The following ARL14EPL variants were observed in gnomAD, a reference collection of about 807,000 sequenced individuals.
ARL14EPL encodes the protein ARF like GTPase 14 effector protein like, also known as ARL14 effector protein-like.
Under a neutral mutation model 15.9 loss-of-function variants are expected in ARL14EPL, and 17 were observed. The ratio of observed to expected loss-of-function variants is 1.07; its 90% CI spans 0.73 to 1.60. The LOEUF (loss-of-function observed/expected upper bound fraction) is 1.60, where lower values mean the gene tolerates loss of function less well. Among genes scored for constraint, ARL14EPL ranks in the 40% most tolerant of loss-of-function variants. ARL14EPL has a pLI of 0.00. For missense variants in ARL14EPL, 214 were observed against 185.9 expected (o/e 1.15, Z -0.88); for synonymous variants, 78 against 63.8 (o/e 1.22, Z -1.06).
rs1749143678 is a variant in ARL14EPL, at chr5:116,040,977, C to CA, written c.-10+8472_-10+8473insA. On this transcript the variant is annotated intron_variant, in intron 1 of 3. Transcript: ENST00000686077. ...CCTGGGAGACAGAACGAGATTCCCT[C>CA]TCAAAAAAAAAAAAAAGTTTTTATG... is the stretch of plus-strand genomic sequence containing the variant. Among the ~76,000 whole-genome samples, 5 of 8,188 alleles carry CA rather than the reference C, an allele frequency of 6.1e-4. No homozygotes were observed. The South Asian group carries it at 9.1e-3, about 15-fold the overall frequency. 5.4% of individuals were successfully genotyped at this position (8,188 alleles called of 152,430 possible). A position where few individuals can be genotyped will look rare whatever the true frequency, so the allele number is the denominator to read the frequency against.
At chr5:116,033,247 A>T (rs55670668) in intron 1 of ARL14EPL, among the ~76,000 whole-genome samples, 3,575 of 152,310 alleles carry the variant, frequency 0.023, 124 homozygotes, top group African/African-American at 0.076. Context: ...GTGGTGCAAA[A>T]GTGATACAAA....
Position 116,058,870 on chromosome 5 carries a change from C to G in ARL14EPL, c.382C>G (p.Arg128Gly), listed in dbSNP as rs531624727. ...GTGTGGGCCCGAGTGCCGCTGCAACCGACGGTGGGTTTACGATGCCATCGT... is the reference window on the plus strand; with the variant it reads ...GTGTGGGCCCGAGTGCCGCTGCAACGGACGGTGGGTTTACGATGCCATCGT... The part of the protein sequence containing the change: ...NKCGPECRCN[R>G]RWVYDAIVTE... Residue 128 changes from arginine to glycine, a missense_variant, in exon 4 of 4, where the codon CGA (arginine) becomes GGA (glycine). By Grantham distance (125) the Arg-to-Gly change is moderately radical. Transcript: ENST00000686077. 2.6e-6 allele frequency: 4 copies of G among 1,536,072 alleles called. No homozygotes were observed. The Admixed American group carries it at 7.8e-5, about 30-fold the overall frequency.
At chr5:116,051,085 A>G (rs1009759883) in intron 1 of ARL14EPL, 7 of 156,072 alleles carry the variant, frequency 4.5e-5, no homozygotes, top group South Asian at 2.0e-4. Flanking sequence ...TTTTCACAAC[A>G]TTACTGTGTA....
At chr5:116,057,451 C>T (rs1352828222) in intron 3 of ARL14EPL, among the ~76,000 whole-genome samples, 1 of 149,594 alleles carries the variant, frequency 6.7e-6, no homozygotes, top group Non-Finnish European at 1.5e-5. Flanking sequence ...GGGCCGGAAA[C>T]CATAAAACCT....
At chr5:116,058,508 T>C (rs1323017757) in intron 3 of ARL14EPL, among the ~76,000 whole-genome samples, 1 of 152,206 alleles carries the variant, frequency 6.6e-6, no homozygotes, top group Non-Finnish European at 1.5e-5. Context: ...TGATCTCATA[T>C]TGACTGAATT....
At chr5:116,052,951 A>G (rs551112248) in intron 2 of ARL14EPL, among the ~76,000 whole-genome samples, 34 of 152,292 alleles carry the variant, frequency 2.2e-4, no homozygotes, top group African/African-American at 7.7e-4. Flanking sequence ...CATGTGCTAC[A>G]TGTTCACAAT....
intron 1 of ARL14EPL, among the ~76,000 whole-genome samples, chr5:116,034,496 T>C (rs1749013205): frequency 6.6e-6 from 1 of 152,192 alleles, no homozygotes; most frequent in Non-Finnish European, 1.5e-5. Context: ...ATTTATTTCT[T>C]CACAAGGTTG....
intron 1 of ARL14EPL, among the ~76,000 whole-genome samples, chr5:116,033,449 A>G (rs930517309): frequency 6.6e-6 from 1 of 152,178 alleles, no homozygotes; most frequent in Non-Finnish European, 1.5e-5. Context: ...CTAAGCTATG[A>G]TGTTTGGTGC....
chr5:116,052,221 C>A, intron 2 of ARL14EPL: 1 of 1,606,366 alleles, frequency 6.2e-7, no homozygotes, highest in Non-Finnish European at 8.5e-7. Flanking sequence ...GATTTGTTCA[C>A]TGGGTCTTTG....
At chr5:116,048,205 G>C (rs888892057) in intron 1 of ARL14EPL, among the ~76,000 whole-genome samples, 3 of 152,196 alleles carry the variant, frequency 2.0e-5, no homozygotes, top group African/African-American at 7.2e-5. Flanking sequence ...CTGACACAAT[G>C]TCAGGACAAA....
chr5:116,042,259 T>G (rs893462212), intron 1 of ARL14EPL, among the ~76,000 whole-genome samples: 5 of 152,246 alleles, frequency 3.3e-5, no homozygotes, highest in Non-Finnish European at 7.3e-5. Flanking sequence ...ATTACATATC[T>G]TCTTCTTTTA....
At chr5:116,049,719 A>G (rs10060276) in intron 1 of ARL14EPL, among the ~76,000 whole-genome samples, 20,326 of 152,168 alleles carry the variant, frequency 0.13, 3,415 homozygotes, top group African/African-American at 0.4. Context: ...AAGGACCATA[A>G]AAGAGAGATA....
chr5:116,038,176 T>A (rs2112666671), intron 1 of ARL14EPL, among the ~76,000 whole-genome samples: 1 of 152,208 alleles, frequency 6.6e-6, no homozygotes, highest in East Asian at 1.9e-4. Flanking sequence ...GTGCCATTGA[T>A]CCTTTCTATT....
At chr5:116,052,216 G>A (rs1580416322) in intron 2 of ARL14EPL, 3 of 1,605,912 alleles carry the variant, frequency 1.9e-6, no homozygotes, top group East Asian at 2.2e-5. Flanking sequence ...CCCCGGATTT[G>A]TTCACTGGGT....
intron 1 of ARL14EPL, among the ~76,000 whole-genome samples, chr5:116,039,307 C>A (rs189660724): frequency 1.3e-5 from 2 of 152,044 alleles, no homozygotes; most frequent in Non-Finnish European, 2.9e-5. Context: ...GGCCTTCAAG[C>A]AAAGATCACA....
chr5:116,040,283 C>T (rs1165141950), intron 1 of ARL14EPL, among the ~76,000 whole-genome samples: 1 of 151,816 alleles, frequency 6.6e-6, no homozygotes, highest in Non-Finnish European at 1.5e-5. Flanking sequence ...AATGCCTTCC[C>T]TTCACTCCTG....
intron 1 of ARL14EPL, 47 bp from the exon 2 acceptor site, chr5:116,051,410 A>G: frequency 8.9e-7 from 1 of 1,124,208 alleles, no homozygotes; most frequent in Non-Finnish European, 1.3e-6. Flanking sequence ...TAGTTACTGG[A>G]GATAGATGAT....
intron 1 of ARL14EPL, among the ~76,000 whole-genome samples, chr5:116,045,484 T>C (rs116530248): frequency 0.016 from 2,444 of 152,274 alleles, 60 homozygotes; most frequent in African/African-American, 0.054. Flanking sequence ...ATAATTTGAA[T>C]GTATAATCCA....
At chr5:116,057,708 C>T (rs923254782) in intron 3 of ARL14EPL, among the ~76,000 whole-genome samples, 1 of 152,212 alleles carries the variant, frequency 6.6e-6, no homozygotes, top group African/African-American at 2.4e-5. Context: ...CACATAATGA[C>T]TAATCCTTTC....
Sources: gnomAD v4.1 joint callset for allele counts (sites outside exome capture counted in the v4.1 genomes callset) on GRCh38, gnomAD v4.1.1 for gene constraint, MANE v1.5 for transcripts, NCBI Gene and HGNC (gene_info 2026-07-23, HGNC 2026-07-21) for gene names.